The following SEPTIN11 variants were observed in gnomAD, a reference collection of about 807,000 sequenced individuals.
The protein encoded by SEPTIN11 is septin-11.
In SEPTIN11, 25 loss-of-function variants were observed where a neutral mutation model predicts 51.4. The ratio of observed to expected loss-of-function variants is 0.49; its 90% CI spans 0.35 to 0.68. SEPTIN11 has a LOEUF of 0.68. SEPTIN11 is among the 30% of genes least tolerant of loss of function. The pLI is 0.00. For missense variants in SEPTIN11, 381 were observed against 520.8 expected (o/e 0.73, Z 2.61); for synonymous variants, 174 against 184.1 (o/e 0.95, Z 0.44).
intron 5 of SEPTIN11, among the ~76,000 whole-genome samples, chr4:77,016,657 C>T (rs56410042): frequency 0.21 from 16,034 of 76,272 alleles, 2,152 homozygotes; most frequent in Non-Finnish European, 0.28. Flanking sequence ...TATATATATA[C>T]ACATATATAT....
chr4:76,994,770 C>T (rs1223133884), intron 1 of SEPTIN11, among the ~76,000 whole-genome samples: 1 of 151,980 alleles, frequency 6.6e-6, no homozygotes, highest in African/African-American at 2.4e-5. Flanking sequence ...TATATAGTGA[C>T]CACAAACATT....
Position 77,035,762 on chromosome 4 carries a change from A to G in SEPTIN11, c.*1250A>G. On this transcript the variant is annotated 3_prime_UTR_variant, in exon 10 of 10. Coordinates refer to ENST00000264893, the MANE Select transcript of SEPTIN11 (RefSeq NM_018243.4). ...CCTCATCAGGGATTAGAACTGGCCC[A>G]TATGCCAGAACCTGTACTAAATGCC... 1.0e-6 allele frequency: 1 copy of G among 985,894 alleles called. No homozygotes were observed. Among genetic ancestry groups the G allele is most frequent in the Non-Finnish European group, 1.2e-6 (1 of 829,942 alleles). 61.1% of individuals were successfully genotyped at this position (985,894 alleles called of 1,614,324 possible).
At position 77,015,823 on chromosome 4, in the gene SEPTIN11, A is replaced by G. The variant is rs1578186459; in HGVS notation, c.687+806A>G. ...AGGAAATAGGCATGATGGGGTGTGA[A>G]AGGAAGGTTGCCACAAGGGAAAATG... On this transcript the variant is annotated intron_variant, in intron 5 of 9. Coordinates refer to ENST00000264893, the MANE Select transcript of SEPTIN11 (RefSeq NM_018243.4). Among the ~76,000 whole-genome samples the G allele has an allele frequency of 2.6e-5, 4 of 152,206 alleles. No homozygotes were observed. In the East Asian group the frequency reaches 7.7e-4, roughly 29 times the overall value.
chr4:76,973,315 C>T (rs547296587), intron 1 of SEPTIN11, among the ~76,000 whole-genome samples: 2 of 152,306 alleles, frequency 1.3e-5, no homozygotes, highest in South Asian at 4.1e-4. Flanking sequence ...AGCCTTGTTC[C>T]ACAGCATCCC....
intron 1 of SEPTIN11, among the ~76,000 whole-genome samples, chr4:76,995,253 G>A (rs947421417): frequency 6.6e-5 from 10 of 151,594 alleles, no homozygotes; most frequent in East Asian, 5.8e-4. Context: ...GTGGTGGCGC[G>A]TGCCTATAAT....
At chr4:76,995,980 C>A in intron 1 of SEPTIN11, 1 of 1,510,996 alleles carries the variant, frequency 6.6e-7, no homozygotes, top group Non-Finnish European at 8.9e-7. Flanking sequence ...TATGAATCCT[C>A]CACTGTGAGC....
In SEPTIN11 at chr4:77,035,512, C is replaced by A; in HGVS notation, c.*1000C>A. On this transcript the variant is annotated 3_prime_UTR_variant, in exon 10 of 10. Coordinates refer to ENST00000264893, the MANE Select transcript of SEPTIN11 (RefSeq NM_018243.4). ...TATAAACTCTGTATCATTGGTAGCACAAATTTGAGCGAGGCCTTGTCAATT... is the reference window on the plus strand; with the variant it reads ...TATAAACTCTGTATCATTGGTAGCAAAAATTTGAGCGAGGCCTTGTCAATT... 1 of 985,332 alleles carries A rather than the reference C, an allele frequency of 1.0e-6. No homozygotes were observed. The highest frequency in any genetic ancestry group is 1.2e-6 in the Non-Finnish European group (1 of 829,908). 61.0% of individuals were successfully genotyped at this position (985,332 alleles called of 1,614,324 possible). A position where few individuals can be genotyped will look rare whatever the true frequency, so the allele number is the denominator to read the frequency against.
chr4:77,003,022 T>C (rs1433546695), intron 2 of SEPTIN11, among the ~76,000 whole-genome samples: 1 of 152,242 alleles, frequency 6.6e-6, no homozygotes, highest in African/African-American at 2.4e-5. Flanking sequence ...ATTCCCAGCC[T>C]ACATTCTGTC....
chr4:76,950,033 C>G (rs1721254240), intron 1 of SEPTIN11, 103 bp downstream of exon 1: 19 of 1,202,734 alleles, frequency 1.6e-5, no homozygotes, highest in African/African-American at 5.2e-5. Flanking sequence ...GTGCTCGGCC[C>G]CGCGGCGGCG....
intron 1 of SEPTIN11, chr4:76,973,216 C>G (rs1439075729): frequency 6.6e-6 from 1 of 152,160 alleles, no homozygotes; most frequent in Non-Finnish European, 1.5e-5. Context: ...AGTCAAAGCT[C>G]CATCTCTCCT....
In SEPTIN11 at chr4:77,035,101, G is replaced by A. The variant is rs772481696; in HGVS notation, c.*589G>A. The A allele has an allele frequency of 3.0e-6, 3 of 985,366 alleles. No individual in the cohort carries two copies. Among genetic ancestry groups the A allele is most frequent in the Non-Finnish European group, 3.6e-6 (3 of 829,960 alleles). The allele number at this position is 985,366 out of a possible 1,614,324, so 61.0% of individuals were successfully genotyped here. On this transcript the variant is annotated 3_prime_UTR_variant, in exon 10 of 10. Coordinates refer to ENST00000264893, the MANE Select transcript of SEPTIN11 (RefSeq NM_018243.4). ...ATAACATTATTTGGCCTGAGCTTGT[G>A]GGTCTGTTCAGACTGTCTCCTCTCA...
chr4:77,018,406 G>T (rs976997463), intron 5 of SEPTIN11, among the ~76,000 whole-genome samples: 1 of 150,384 alleles, frequency 6.6e-6, no homozygotes, highest in Admixed American at 6.6e-5. Context: ...CCGAGATCGC[G>T]CCACTGCACT....
intron 1 of SEPTIN11, among the ~76,000 whole-genome samples, chr4:76,977,726 CTTT>C (rs559226407): frequency 2.4e-5 from 3 of 127,518 alleles, no homozygotes; most frequent in African/African-American, 2.9e-5. Context: ...AAAGGTTCGT[CTTT>C]TTTTTTTTTT....
chr4:76,952,671 T>G (rs931957584), intron 1 of SEPTIN11, among the ~76,000 whole-genome samples: 1 of 152,246 alleles, frequency 6.6e-6, no homozygotes, highest in Non-Finnish European at 1.5e-5. Flanking sequence ...TTCAATTTAG[T>G]GTGATACTGT....
At chr4:76,993,878 T>C (rs1030735054) in intron 1 of SEPTIN11, among the ~76,000 whole-genome samples, 8 of 152,180 alleles carry the variant, frequency 5.3e-5, no homozygotes, top group African/African-American at 1.9e-4. Context: ...ATAAAAATAC[T>C]TAGTGGGTGT....
At position 76,984,601 on chromosome 4, in the gene SEPTIN11, G is replaced by A. The variant is rs1722928232; in HGVS notation, c.28-11824G>A. Among the ~76,000 whole-genome samples, 1 of 152,166 alleles carries A rather than the reference G, an allele frequency of 6.6e-6. No homozygotes were observed. The highest frequency in any genetic ancestry group is 1.5e-5 in the Non-Finnish European group (1 of 68,032). On this transcript the variant is annotated intron_variant, in intron 1 of 9. Transcript: ENST00000264893. The surrounding 1 kb of genome is among the most constrained non-coding windows in gnomAD (Gnocchi z 4.1). ...AGGAATAGATGTGTGAATATGAGTA[G>A]CACAGGACATAAAAAGTTGAGGAAA...
chr4:77,027,545 C>T (rs1726262601), intron 7 of SEPTIN11, among the ~76,000 whole-genome samples: 1 of 152,148 alleles, frequency 6.6e-6, no homozygotes, highest in Admixed American at 6.6e-5. Context: ...TGTAAATGGA[C>T]AGATGTAAAT....
chr4:76,956,993 T>TGTGTGTGTGTGTGTGTGAGAGA (rs769320568), intron 1 of SEPTIN11, among the ~76,000 whole-genome samples: 2 of 98,582 alleles, frequency 2.0e-5, no homozygotes, highest in African/African-American at 6.5e-5. Context: ...TGTGTGTGTG[T>TGTGTGTGTGTGTGTGTGAGAGA]GAGAGAGAGA....
At chr4:76,995,883 T>C (rs1380193320) in intron 1 of SEPTIN11, 4 of 1,535,572 alleles carry the variant, frequency 2.6e-6, no homozygotes, top group African/African-American at 1.4e-5. Flanking sequence ...GTAAAACTAA[T>C]GGAGGAGAGG....
Sources: gnomAD v4.1 joint callset for allele counts (sites outside exome capture counted in the v4.1 genomes callset) on GRCh38, gnomAD v4.1.1 for gene constraint, Gnocchi (gnomAD v3.1) non-coding constraint, MANE v1.5 for transcripts, NCBI Gene and HGNC (gene_info 2026-07-23, HGNC 2026-07-21) for gene names.